PDE11A: variants seen among roughly 807,000 people sequenced by gnomAD.
The protein encoded by PDE11A is dual 3',5'-cyclic-AMP and -GMP phosphodiesterase 11A.
In PDE11A, 100 loss-of-function variants were observed where a neutral mutation model predicts 100.5. That is an observed-to-expected ratio of 1.00 (90% confidence interval 0.85 to 1.18). The LOEUF is 1.18. PDE11A is among the 50% of genes most tolerant of loss of function. The pLI is 0.00. For synonymous variants in PDE11A, 381 were observed against 420.8 expected (o/e 0.91, Z 1.16); for missense variants, 1,141 against 1,152.6 (o/e 0.99, Z 0.15).
Position 177,958,506 on chromosome 2 carries a change from T to C in PDE11A, c.1072-53319A>G, listed in dbSNP as rs143215077. Among the ~76,000 whole-genome samples the C allele has an allele frequency of 7.9e-3, 1,201 of 152,308 alleles. 19 individuals are homozygous for C. The highest frequency in any genetic ancestry group is 0.027 in the African/African-American group (1,111 of 41,576). On this transcript the variant is annotated intron_variant, in intron 2 of 19. Transcript: ENST00000286063. Reference sequence around the variant, plus strand: ...GGAAATAAGATAAGGCTGAGAGGGGTAAGTTATTCCCTTGTAACCTTAAAG... The same window carrying C: ...GGAAATAAGATAAGGCTGAGAGGGGCAAGTTATTCCCTTGTAACCTTAAAG...
intron 2 of PDE11A, among the ~76,000 whole-genome samples, chr2:177,953,538 T>G (rs1266993929): frequency 6.6e-6 from 1 of 152,214 alleles, no homozygotes; most frequent in East Asian, 1.9e-4. Context: ...TGAGAAAGCA[T>G]TATGACTAAA....
intron 19 of PDE11A, among the ~76,000 whole-genome samples, chr2:177,654,468 C>T (rs1490842108): frequency 6.6e-6 from 1 of 152,008 alleles, no homozygotes; most frequent in Non-Finnish European, 1.5e-5. Context: ...TTGCAGTGGG[C>T]CGAGATTGCA....
chr2:177,921,346 G>A (rs1284344492), intron 2 of PDE11A, among the ~76,000 whole-genome samples: 1 of 151,096 alleles, frequency 6.6e-6, no homozygotes, highest in East Asian at 1.9e-4. Context: ...TATTTATGAT[G>A]GGATGCATAA....
intron 2 of PDE11A, among the ~76,000 whole-genome samples, chr2:177,958,830 T>G (rs977984590): frequency 1.1e-4 from 17 of 152,084 alleles, no homozygotes; most frequent in African/African-American, 4.1e-4. Context: ...TAACTAAAGG[T>G]TTGTCTCCTT....
chr2:177,862,549 G>A (rs1226774459), intron 5 of PDE11A, among the ~76,000 whole-genome samples: 1 of 151,656 alleles, frequency 6.6e-6, no homozygotes, highest in Non-Finnish European at 1.5e-5. Context: ...TACAAATAAT[G>A]ACCTAACTGA....
At chr2:177,781,450 G>A (rs1016947715) in intron 9 of PDE11A, among the ~76,000 whole-genome samples, 5 of 151,982 alleles carry the variant, frequency 3.3e-5, no homozygotes, top group Middle Eastern at 3.4e-3. Context: ...TAGAGTTTGC[G>A]GTCAATTTGA....
chr2:178,075,684 T>C (rs1430569125), upstream of PDE11A, among the ~76,000 whole-genome samples: 1 of 151,652 alleles, frequency 6.6e-6, no homozygotes, highest in Non-Finnish European at 1.5e-5. Context: ...AGATACAAGC[T>C]AGAAGGTATT....
chr2:177,884,162 A>C (rs1160432878), intron 4 of PDE11A, among the ~76,000 whole-genome samples: 1 of 152,128 alleles, frequency 6.6e-6, no homozygotes, highest in Non-Finnish European at 1.5e-5. Context: ...GACAATGTTG[A>C]ACTTTACCTG....
At chr2:177,743,830 G>C (rs1321182107) in intron 10 of PDE11A, among the ~76,000 whole-genome samples, 1 of 152,220 alleles carries the variant, frequency 6.6e-6, no homozygotes, top group Non-Finnish European at 1.5e-5. Context: ...TCAGGAAGGG[G>C]TGATTGAATG....
chr2:177,999,540 A>G (rs2086118006), intron 2 of PDE11A, among the ~76,000 whole-genome samples: 1 of 152,214 alleles, frequency 6.6e-6, no homozygotes, highest in South Asian at 2.1e-4. Flanking sequence ...AATGAAGTAT[A>G]CCAAATAACC....
chr2:177,698,445 A>G (rs2081149388), intron 14 of PDE11A: 1 of 152,208 alleles, frequency 6.6e-6, no homozygotes, highest in African/African-American at 2.4e-5. Flanking sequence ...TTAGTGTGAA[A>G]TATGAACTCA....
At chr2:177,632,453 A>T (rs2079966099) in intron 19 of PDE11A, among the ~76,000 whole-genome samples, 1 of 152,076 alleles carries the variant, frequency 6.6e-6, no homozygotes, top group African/African-American at 2.4e-5. Context: ...TAATTCTATC[A>T]CCCATCATCT....
chr2:177,801,822 A>G (rs2082798944), intron 9 of PDE11A, among the ~76,000 whole-genome samples: 1 of 152,130 alleles, frequency 6.6e-6, no homozygotes, highest in Non-Finnish European at 1.5e-5. Flanking sequence ...GATCACTAAT[A>G]GCAATAAGCT....
At chr2:177,766,060 G>C (rs2105496983) in intron 10 of PDE11A, among the ~76,000 whole-genome samples, 1 of 152,198 alleles carries the variant, frequency 6.6e-6, no homozygotes, top group Non-Finnish European at 1.5e-5. Context: ...AATACACTGG[G>C]ACTCAGCCAT....
rs1176360043 is a variant in PDE11A at position 177,628,655 on chromosome 2, C to G, written c.*752G>C. ...AATCCAGCTACAGATTTCCTTCCAC[C>G]CTTACTTTAATCAAAATCTATCAAT... On this transcript the variant is annotated 3_prime_UTR_variant, in exon 20 of 20. Transcript: ENST00000286063. 1 of 152,332 alleles carries G rather than the reference C, an allele frequency of 6.6e-6. No individual in the cohort carries two copies. The highest frequency in any genetic ancestry group is 1.5e-5 in the Non-Finnish European group (1 of 68,200). 9.4% of individuals were successfully genotyped at this position (152,332 alleles called of 1,614,324 possible). A position where few individuals can be genotyped will look rare whatever the true frequency, so the allele number is the denominator to read the frequency against.
intron 1 of PDE11A, among the ~76,000 whole-genome samples, chr2:178,048,426 C>T (rs2086780842): frequency 6.6e-6 from 1 of 152,094 alleles, no homozygotes; most frequent in African/African-American, 2.4e-5. Context: ...AGAGGAGGAA[C>T]AATATTTCCC....
chr2:177,665,856 C>CA (rs3056853), intron 18 of PDE11A, among the ~76,000 whole-genome samples: 67 of 137,318 alleles, frequency 4.9e-4, no homozygotes, highest in African/African-American at 1.0e-3. Flanking sequence ...GACTCCATCT[C>CA]AAAAAAAAAA....
At chr2:177,861,996 C>T (rs142562029) in intron 5 of PDE11A, among the ~76,000 whole-genome samples, 231 of 151,834 alleles carry the variant, frequency 1.5e-3, no homozygotes, top group African/African-American at 5.2e-3. Flanking sequence ...TGTATTCATG[C>T]GCTTAGATTA....
chr2:177,702,139 C>G (rs574456149), intron 13 of PDE11A, among the ~76,000 whole-genome samples: 14 of 152,056 alleles, frequency 9.2e-5, no homozygotes, highest in Non-Finnish European at 1.8e-4. Flanking sequence ...TTTGAGTTAT[C>G]TGTAAATTTC....
Sources: allele counts gnomAD v4.1 joint callset (sites outside exome capture counted in the v4.1 genomes callset), GRCh38; gene constraint gnomAD v4.1.1; transcripts MANE v1.5; gene names NCBI Gene and HGNC (gene_info 2026-07-23, HGNC 2026-07-21).